Variants in HYOU1 observed in about 807,000 individuals in gnomAD.
The protein encoded by HYOU1 is hypoxia up-regulated protein 1.
A neutral mutation model predicts 120.5 loss-of-function variants in HYOU1; 40 were observed. The ratio of observed to expected loss-of-function variants is 0.33; its 90% CI spans 0.26 to 0.43. The LOEUF (loss-of-function observed/expected upper bound fraction) is 0.43, where lower values mean the gene tolerates loss of function less well. HYOU1 is among the 20% of genes least tolerant of loss of function. The probability of loss-of-function intolerance (pLI) is 1.00; values close to 1 mark genes in which losing one functional copy is unlikely to be tolerated. For missense variants in HYOU1, 1,085 were observed against 1,278.3 expected, an observed-to-expected ratio of 0.85 and a Z score of 2.31; for synonymous variants, 501 against 479.4, an observed-to-expected ratio of 1.05 and a Z score of -0.59.
chr11:119,049,519 C>T (rs2133573558), intron 16 of HYOU1, 37 bp downstream of exon 16: 43 of 1,606,580 alleles, frequency 2.7e-5, no homozygotes, highest in Admixed American at 8.3e-5. Flanking sequence ...CATCCCCCAC[C>T]GTCCTCCATG....
Position 119,055,521 on chromosome 11 carries a change from C to G in HYOU1, c.236G>C (p.Arg79Thr). 2 of 1,614,088 alleles carry G rather than the reference C, an allele frequency of 1.2e-6. No homozygotes were observed. The highest frequency in any genetic ancestry group is 1.7e-6 in the Non-Finnish European group (2 of 1,179,980). The change falls in exon 4 of 26, where the codon AGA becomes ACA. Residue 79 changes from arginine to threonine, a missense_variant. Arg to Thr is a moderately conservative substitution (Grantham distance 71). Transcript: ENST00000617285. This position sits in a 1 kb window ranked among gnomAD's most constrained non-coding sequence, Gnocchi z 4.0. Reference sequence around the variant, plus strand: ...GCTTGCTGCACTGTCTCCAAAGAATCTTTCATTTTCTTTCAGGGTCACGAT... The same window carrying G: ...GCTTGCTGCACTGTCTCCAAAGAATGTTTCATTTTCTTTCAGGGTCACGAT... ...PVIVTLKENE[R>T]FFGDSAASMA...
chr11:119,052,133 G>A lies in HYOU1; in HGVS notation c.1162C>T (p.Arg388Trp), dbSNP rs1263148051. 4 of 1,614,202 alleles carry A rather than the reference G, an allele frequency of 2.5e-6. No individual in the cohort carries two copies. Among genetic ancestry groups the A allele is most frequent in the South Asian group, 1.1e-5 (1 of 91,090 alleles). ...EQVILVGGAT[R>W]VPRVQEVLLK... ...AGCACCTCCTGAACTCTGGGGACCCGAGTGGCCCCACCCACCAGGATCACC... is the reference window on the plus strand; with the variant it reads ...AGCACCTCCTGAACTCTGGGGACCCAAGTGGCCCCACCCACCAGGATCACC... The change falls in exon 11 of 26, where the codon CGG becomes TGG. Residue 388 changes from arginine (R) to tryptophan (W), a missense_variant. Around this residue, in one of 4 missense-constraint regions of HYOU1, gnomAD observed 515 missense variants for 677.8 expected, o/e 0.76. Coordinates refer to ENST00000617285, the MANE Select transcript of HYOU1 (RefSeq NM_006389.5). This position sits in a 1 kb window ranked among gnomAD's most constrained non-coding sequence, Gnocchi z 5.0.
At chr11:119,050,731 A>G (rs1944386772) in intron 14 of HYOU1, among the ~76,000 whole-genome samples, 4 of 32,338 alleles carry the variant, frequency 1.2e-4, no homozygotes, top group African/African-American at 3.7e-4. Context: ...AAAAAAAAAA[A>G]AAAAAAAAAA....
rs2133594428 is a variant in HYOU1, at chr11:119,052,655, G to A, written c.969C>T (p.Asn323=). The A allele has an allele frequency of 9.9e-6, 16 of 1,613,624 alleles. No individual in the cohort carries two copies. Among genetic ancestry groups the A allele is most frequent in the South Asian group, 6.6e-5 (6 of 91,024 alleles). The change falls in exon 9 of 26, where the codon AAC becomes AAT. Residue 323 remains asparagine, a synonymous_variant. Coordinates refer to ENST00000617285, the MANE Select transcript of HYOU1 (RefSeq NM_006389.5). This position sits in a 1 kb window ranked among gnomAD's most constrained non-coding sequence, Gnocchi z 5.0. ...ANRLKTVLSA[N]ADHMAQIEGL... is the part of the protein sequence containing the mutation. ...TGGGCACCTGTGCCATGTGGTCAGC[G>A]TTGGCACTGAGGACGGTTTTGAGCC...
chr11:119,051,226 C>T lies in HYOU1; in HGVS notation c.1527-53G>A. The T allele has an allele frequency of 1.2e-6, 2 of 1,607,070 alleles. No homozygotes were observed. The highest frequency in any genetic ancestry group is 2.2e-5 in the East Asian group (1 of 44,854). On this transcript the variant is annotated intron_variant, in intron 13 of 25. Transcript: ENST00000617285. The surrounding 1 kb of genome is among the most constrained non-coding windows in gnomAD (Gnocchi z 4.2). ...GGGGACCCACCCCAGCCCATCTCGC[C>T]CTCTAGACTACATGGCCTCCTGGCA...
chr11:119,054,800 G>A, intron 6 of HYOU1, 125 bp from the exon 7 acceptor site: 1 of 1,144,316 alleles, frequency 8.7e-7, no homozygotes. Flanking sequence ...TGCACTGTAG[G>A]ATGTTGAGCA....
chr11:119,051,863 C>T lies in HYOU1; in HGVS notation c.1294G>A (p.Val432Met), dbSNP rs1401444342. The T allele has an allele frequency of 3.7e-6, 6 of 1,614,078 alleles. No homozygotes were observed. Among genetic ancestry groups the T allele is most frequent in the Non-Finnish European group, 5.1e-6 (6 of 1,180,054 alleles). ...QAAALSKAFK[V>M]KPFVVRDAVV... The stretch of plus-strand genomic sequence containing the variant: ...GCATCTCGGACGACAAATGGCTTCA[C>T]TTTAAAGGCTTTGCTGAGCGCAGCT... The change falls in exon 12 of 26, where the codon GTG becomes ATG. Residue 432 changes from valine (V) to methionine (M), a missense_variant. Val to Met is a conservative substitution (Grantham distance 21). Around this residue, in one of 4 missense-constraint regions of HYOU1, gnomAD observed 515 missense variants for 677.8 expected, o/e 0.76. Coordinates refer to ENST00000617285, the MANE Select transcript of HYOU1 (RefSeq NM_006389.5). This position sits in a 1 kb window ranked among gnomAD's most constrained non-coding sequence, Gnocchi z 4.2.
rs1943957700 is a variant in HYOU1, at chr11:119,044,443, G to A, written c.*1150C>T. The A allele has an allele frequency of 6.6e-6, 1 of 152,502 alleles. No homozygotes were observed. Among genetic ancestry groups the A allele is most frequent in the Non-Finnish European group, 1.5e-5 (1 of 68,050 alleles). The allele number at this position is 152,502 out of a possible 1,614,324, so 9.4% of individuals were successfully genotyped here. ...TCTTGGAGCTGAGGCAGCAGCCCTA[G>A]CTCCTGCTACAGACGGAATACTGGA... On this transcript the variant is annotated 3_prime_UTR_variant, in exon 26 of 26. Coordinates refer to ENST00000617285, the MANE Select transcript of HYOU1 (RefSeq NM_006389.5).
chr11:119,045,233 G>C lies in HYOU1; in HGVS notation c.*360C>G. 1 of 480,744 alleles carries C rather than the reference G, an allele frequency of 2.1e-6. No homozygotes were observed. 29.8% of individuals were successfully genotyped at this position (480,744 alleles called of 1,614,324 possible). ...ACCAGAGAAGAGTGGAAACTCCCCA[G>C]CAACCTGATACCCTTCCCATCACCG... is the stretch of plus-strand genomic sequence containing the variant. On this transcript the variant is annotated 3_prime_UTR_variant, in exon 26 of 26. Coordinates refer to ENST00000617285, the MANE Select transcript of HYOU1 (RefSeq NM_006389.5).
chr11:119,048,549 G>A lies in HYOU1; in HGVS notation c.2180C>T (p.Thr727Ile). The change falls in exon 19 of 26, where the codon ACA (threonine) becomes ATA (isoleucine). Residue 727 changes from threonine (T) to isoleucine (I), a missense_variant. Around this residue, in one of 4 missense-constraint regions of HYOU1, gnomAD observed 516 missense variants for 517.1 expected, o/e 1.00. Transcript: ENST00000617285. The surrounding 1 kb of genome is among the most constrained non-coding windows in gnomAD (Gnocchi z 4.7). ...AQSVQKLQDL[T>I]LRDLEKQERE... is the part of the protein sequence containing the mutation. ...TTCCTGCTTCTCCAGGTCTCGGAGT[G>A]TCAAGTCCTGAAGTCTATGGGACAA... is the stretch of plus-strand genomic sequence containing the variant. 1 of 1,614,046 alleles carries A rather than the reference G, an allele frequency of 6.2e-7. No individual in the cohort carries two copies. Among genetic ancestry groups the A allele is most frequent in the Non-Finnish European group, 8.5e-7 (1 of 1,179,996 alleles).
rs1163830999 is a variant in HYOU1, at chr11:119,048,227, A to T, written c.2376+21T>A. The T allele has an allele frequency of 2.5e-6, 4 of 1,609,460 alleles. No homozygotes were observed. The African/African-American group carries it at 5.3e-5, about 22-fold the overall frequency. The stretch of plus-strand genomic sequence containing the variant: ...AAGGAGAGCTCCCACTCCACCTGCC[A>T]TGTCCTGAGAGGCCCCTCACCACTG... On this transcript the variant is annotated intron_variant, in intron 20 of 25. Transcript: ENST00000617285. The surrounding 1 kb of genome is among the most constrained non-coding windows in gnomAD (Gnocchi z 4.7).
Position 119,052,373 on chromosome 11 carries a change from A to C in HYOU1, c.1044T>G (p.Phe348Leu), listed in dbSNP as rs1263245329. 5.0e-6 allele frequency: 8 copies of C among 1,614,192 alleles called. No homozygotes were observed. In the African/African-American group the frequency reaches 9.3e-5, roughly 19 times the overall value. Residue 348 changes from phenylalanine to leucine, a missense_variant, in exon 10 of 26, where the codon TTT becomes TTG. This residue lies in a region of HYOU1 where 515 missense variants were observed against 677.8 expected (regional missense o/e 0.76). Coordinates refer to ENST00000617285, the MANE Select transcript of HYOU1 (RefSeq NM_006389.5). This position sits in a 1 kb window ranked among gnomAD's most constrained non-coding sequence, Gnocchi z 5.0. ...CAAACAAGTCTGCACACAACTCCTCAAATTCCACACGAGTCACTTTTGCCT... is the reference window on the plus strand; with the variant it reads ...CAAACAAGTCTGCACACAACTCCTCCAATTCCACACGAGTCACTTTTGCCT... ...DFKAKVTRVE[F>L]EELCADLFER...
intron 24 of HYOU1, 21 bp downstream of exon 24, chr11:119,046,396 A>G (rs1338106541): frequency 1.9e-6 from 3 of 1,613,266 alleles, no homozygotes; most frequent in African/African-American, 1.3e-5. Flanking sequence ...CACGTGCTCA[A>G]CCATGGTTGC....
Position 119,051,089 on chromosome 11 carries a change from C to G in HYOU1, c.1611G>C (p.Lys537Asn). Reference protein sequence around the residue: ...SFKKYPDYESKGIKAHFNLDE... With the variant: ...SFKKYPDYESNGIKAHFNLDE... ...CCAGGTTGAAGTGAGCCTTGATGCC[C>G]TTGGACTCGTAGTCAGGATACTTCT... Residue 537 changes from lysine to asparagine, a missense_variant, in exon 14 of 26, where the codon AAG becomes AAC. Coordinates refer to ENST00000617285, the MANE Select transcript of HYOU1 (RefSeq NM_006389.5). The surrounding 1 kb of genome is among the most constrained non-coding windows in gnomAD (Gnocchi z 4.2). 6.2e-7 allele frequency: 1 copy of G among 1,614,226 alleles called. No homozygotes were observed. The highest frequency in any genetic ancestry group is 8.5e-7 in the Non-Finnish European group (1 of 1,180,040).
chr11:119,051,774 G>A lies in HYOU1; in HGVS notation c.1338+45C>T. ...AGACAGAAGGGGAAACCCTACTTGG[G>A]AGAGGTAAAGGGAGCTTGTCACCTG... On this transcript the variant is annotated intron_variant, in intron 12 of 25. Transcript: ENST00000617285. This position sits in a 1 kb window ranked among gnomAD's most constrained non-coding sequence, Gnocchi z 4.2. 1.2e-6 allele frequency: 2 copies of A among 1,610,060 alleles called. No individual in the cohort carries two copies. Among genetic ancestry groups the A allele is most frequent in the Non-Finnish European group, 1.7e-6 (2 of 1,176,606 alleles).
chr11:119,054,039 C>A, intron 8 of HYOU1, 82 bp downstream of exon 8: 1 of 826,114 alleles, frequency 1.2e-6, no homozygotes, highest in Non-Finnish European at 2.0e-6. Context: ...TGCAGGAAAG[C>A]AAAGCAGTGT....
At position 119,048,850 on chromosome 11, in the gene HYOU1, C is replaced by T. The variant is rs147081612; in HGVS notation, c.2029G>A (p.Val677Ile). ...SEKAEAGPEG[V>I]APAPEGEKKQ... The stretch of plus-strand genomic sequence containing the variant: ...TTCTCTCCCTCTGGGGCTGGAGCGA[C>T]GCCCTCAGGCCCTGCCTCTGCCTTC... Residue 677 changes from valine to isoleucine, a missense_variant, in exon 18 of 26, where the codon GTC becomes ATC. Val to Ile is a conservative substitution (Grantham distance 29). Around this residue, in one of 4 missense-constraint regions of HYOU1, gnomAD observed 516 missense variants for 517.1 expected, o/e 1.00. Coordinates refer to ENST00000617285, the MANE Select transcript of HYOU1 (RefSeq NM_006389.5). The surrounding 1 kb of genome is among the most constrained non-coding windows in gnomAD (Gnocchi z 4.7). The T allele has an allele frequency of 1.3e-3, 2,021 of 1,612,650 alleles. 2 individuals carry two copies. Among genetic ancestry groups the T allele is most frequent in the Non-Finnish European group, 1.3e-3 (1,535 of 1,179,356 alleles).
At chr11:119,054,845 C>T in intron 6 of HYOU1, 139 bp downstream of exon 6, 1 of 1,048,520 alleles carries the variant, frequency 9.5e-7, no homozygotes. Flanking sequence ...ATAGCAGGTG[C>T]ACCCCTCAGA....
chr11:119,054,411 A>C (rs1944630459), intron 7 of HYOU1, 83 bp downstream of exon 7: 1 of 1,448,934 alleles, frequency 6.9e-7, no homozygotes, highest in East Asian at 2.3e-5. Context: ...CCAGCCATGC[A>C]AACCAGATGC....
Sources: gnomAD v4.1 joint callset for allele counts (sites outside exome capture counted in the v4.1 genomes callset) on GRCh38, gnomAD v4.1.1 for gene constraint, gnomAD v4.1.1 regional missense constraint, Gnocchi (gnomAD v3.1) non-coding constraint, MANE v1.5 for transcripts, NCBI Gene and HGNC (gene_info 2026-07-23, HGNC 2026-07-21) for gene names.